Variants in MDGA2 observed in about 807,000 individuals in gnomAD.
MDGA2 encodes the protein MAM domain-containing glycosylphosphatidylinositol anchor protein 2.
A neutral mutation model predicts 117.8 loss-of-function variants in MDGA2; 40 were observed. The observed-to-expected ratio is 0.34, with a 90% CI of 0.26 to 0.44. MDGA2 has a LOEUF of 0.44. MDGA2 is among the 20% of genes least tolerant of loss of function. The pLI, the probability that MDGA2 is intolerant of heterozygous loss-of-function variation, is 1.00. For synonymous variants in MDGA2, 452 were observed against 439.0 expected (o/e 1.03, Z -0.37); for missense variants, 1,123 against 1,250.6 (o/e 0.90, Z 1.54).
chr14:47,640,459 G>A (rs1594957691), intron 1 of MDGA2, among the ~76,000 whole-genome samples: 2 of 152,036 alleles, frequency 1.3e-5, no homozygotes. Flanking sequence ...CTTTATTGTT[G>A]TGGTTGTTGG....
At chr14:47,109,552 T>C (rs1325066932) in intron 5 of MDGA2, among the ~76,000 whole-genome samples, 4 of 152,202 alleles carry the variant, frequency 2.6e-5, no homozygotes, top group Non-Finnish European at 5.9e-5. Context: ...TGACAAAGAA[T>C]AGGTGCTCAA....
intron 8 of MDGA2, among the ~76,000 whole-genome samples, chr14:46,964,976 T>G (rs1415281087): frequency 7.5e-6 from 1 of 133,046 alleles, no homozygotes; most frequent in African/African-American, 3.2e-5. Flanking sequence ...CAGGCTGGAG[T>G]GCAGTGGCAC....
intron 2 of MDGA2, among the ~76,000 whole-genome samples, chr14:47,296,460 C>G (rs1407462337): frequency 6.6e-6 from 1 of 152,086 alleles, no homozygotes; most frequent in Non-Finnish European, 1.5e-5. Flanking sequence ...AGAAGATAAG[C>G]AGCAAACTAG....
Position 47,087,489 on chromosome 14 carries a change from ATAGATGGT to A in MDGA2, c.1195+9357_1195+9364del, listed in dbSNP as rs1187827666. Among the ~76,000 whole-genome samples the A allele has an allele frequency of 1.8e-3, 269 of 149,200 alleles. 2 individuals are homozygous for A. Among genetic ancestry groups the A allele is most frequent in the African/African-American group, 5.5e-3 (222 of 40,550 alleles). On this transcript the variant is annotated intron_variant, in intron 6 of 16. Coordinates refer to ENST00000399232, the MANE Select transcript of MDGA2 (RefSeq NM_001113498.3). The stretch of plus-strand genomic sequence containing the variant: ...AAAAAAAAAAAAAAAAAAAAGAATT[ATAGATGGT>A]TAGATGGTTAGAGCAAATCTATCTT...
intron 1 of MDGA2, among the ~76,000 whole-genome samples, chr14:47,364,222 C>T (rs1891183658): frequency 1.3e-5 from 2 of 152,046 alleles, no homozygotes; most frequent in Admixed American, 1.3e-4. Flanking sequence ...CATGTAATGA[C>T]ACAATACTGA....
intron 1 of MDGA2, among the ~76,000 whole-genome samples, chr14:47,457,870 A>G (rs919148157): frequency 1.3e-5 from 2 of 151,378 alleles, no homozygotes; most frequent in Admixed American, 1.3e-4. Flanking sequence ...TCTAATGACA[A>G]GAGCACATAT....
At position 47,146,755 on chromosome 14, in the gene MDGA2, G is replaced by A. The variant is rs117760169; in HGVS notation, c.596-2481C>T. On this transcript the variant is annotated intron_variant, in intron 3 of 16. Transcript: ENST00000399232. ...GCTCAGGAACAAAACAGAATTTGATGGTAAACAGTGTAACAATGATGACTT... is the reference window on the plus strand; with the variant it reads ...GCTCAGGAACAAAACAGAATTTGATAGTAAACAGTGTAACAATGATGACTT... Among the ~76,000 whole-genome samples, 1,239 of 152,152 alleles carry A rather than the reference G, an allele frequency of 8.1e-3. 27 individuals carry two copies. In the East Asian group the frequency reaches 0.086, roughly 11 times the overall value.
intron 1 of MDGA2, among the ~76,000 whole-genome samples, chr14:47,590,408 A>T (rs1214144174): frequency 6.6e-6 from 1 of 151,912 alleles, no homozygotes; most frequent in East Asian, 1.9e-4. Context: ...TGACAAAGTA[A>T]GACACATTCA....
intron 1 of MDGA2, among the ~76,000 whole-genome samples, chr14:47,498,063 A>G (rs1894319150): frequency 6.6e-6 from 1 of 152,210 alleles, no homozygotes; most frequent in Non-Finnish European, 1.5e-5. Flanking sequence ...AGGATTAGGT[A>G]TAATACTCTA....
chr14:47,474,956 T>C (rs1296507829), intron 1 of MDGA2, among the ~76,000 whole-genome samples: 7 of 152,100 alleles, frequency 4.6e-5, no homozygotes, highest in African/African-American at 1.7e-4. Context: ...CAAAAGCTAT[T>C]GCAACAAAAG....
At chr14:47,097,656 G>A (rs138033023) in intron 5 of MDGA2, among the ~76,000 whole-genome samples, 8 of 151,706 alleles carry the variant, frequency 5.3e-5, no homozygotes, top group Admixed American at 1.3e-4. Context: ...TTTTGTTCTC[G>A]AAAGAAAAAA....
At chr14:46,964,600 A>C (rs1885942187) in intron 8 of MDGA2, among the ~76,000 whole-genome samples, 1 of 152,228 alleles carries the variant, frequency 6.6e-6, no homozygotes, top group Non-Finnish European at 1.5e-5. Context: ...CGGGAGCCAG[A>C]ACGTTTCAGT....
chr14:47,106,495 C>T (rs1880687908), intron 5 of MDGA2, among the ~76,000 whole-genome samples: 1 of 151,952 alleles, frequency 6.6e-6, no homozygotes. Context: ...GGAATGCCCG[C>T]AGCCTGGGAT....
intron 3 of MDGA2, among the ~76,000 whole-genome samples, chr14:47,172,573 C>A (rs1461173289): frequency 6.6e-6 from 1 of 152,192 alleles, no homozygotes; most frequent in African/African-American, 2.4e-5. Flanking sequence ...CTCCAACAGA[C>A]CTGCAGCTGA....
intron 8 of MDGA2, among the ~76,000 whole-genome samples, chr14:47,012,279 C>G (rs1387372151): frequency 6.6e-6 from 1 of 152,086 alleles, no homozygotes; most frequent in Non-Finnish European, 1.5e-5. Context: ...GAATCAACCT[C>G]CATGATGCAA....
At chr14:46,972,523 A>G (rs922030193) in intron 8 of MDGA2, among the ~76,000 whole-genome samples, 5 of 152,176 alleles carry the variant, frequency 3.3e-5, no homozygotes, top group African/African-American at 1.2e-4. Flanking sequence ...TTTATAACAA[A>G]TGTGTAAAGT....
chr14:47,582,009 G>T (rs1330542543), intron 1 of MDGA2, among the ~76,000 whole-genome samples: 1 of 151,834 alleles, frequency 6.6e-6, no homozygotes, highest in Non-Finnish European at 1.5e-5. Flanking sequence ...TTATTCAATT[G>T]TAAAACTGAC....
At chr14:47,324,053 G>A (rs557198293) in intron 1 of MDGA2, among the ~76,000 whole-genome samples, 1 of 152,058 alleles carries the variant, frequency 6.6e-6, no homozygotes, top group South Asian at 2.1e-4. Context: ...AGACCATCCT[G>A]GCTAACACAG....
chr14:46,905,965 T>C (rs1883476426), intron 10 of MDGA2, among the ~76,000 whole-genome samples: 1 of 152,028 alleles, frequency 6.6e-6, no homozygotes, highest in African/African-American at 2.4e-5. Context: ...TAAATAAAAA[T>C]ATTTTGTTAT....
Sources: allele counts gnomAD v4.1 joint callset (sites outside exome capture counted in the v4.1 genomes callset), GRCh38; gene constraint gnomAD v4.1.1; transcripts MANE v1.5; gene names NCBI Gene and HGNC (gene_info 2026-07-23, HGNC 2026-07-21).